Variants in CCDC88A observed in about 807,000 individuals in gnomAD.
CCDC88A encodes coiled-coil and HOOK domain protein 88A.
CCDC88A carries 54 observed loss-of-function variants against 234.3 expected under a neutral mutation model. The observed-to-expected ratio is 0.23, with a 90% CI of 0.19 to 0.29. The LOEUF is 0.29. Among genes scored for constraint, CCDC88A ranks in the 10% least tolerant of loss-of-function variants. The probability of loss-of-function intolerance (pLI) is 1.00; values close to 1 mark genes in which losing one functional copy is unlikely to be tolerated. For missense variants in CCDC88A, 1,832 were observed against 2,123.4 expected, an observed-to-expected ratio of 0.86 and a Z score of 2.70; for synonymous variants, 753 against 737.8, an observed-to-expected ratio of 1.02 and a Z score of -0.33.
At position 55,376,229 on chromosome 2, in the gene CCDC88A, T is replaced by C. The variant is rs1195480510; in HGVS notation, c.274-1346A>G. ...TGAATTAGACTACAGGATGGATGGG[T>C]GCCATGTGATAATTACTGAATCTTT... On this transcript the variant is annotated intron_variant, in intron 3 of 32. Transcript: ENST00000436346. Among the ~76,000 whole-genome samples the C allele has an allele frequency of 5.3e-5, 8 of 152,314 alleles. No individual in the cohort carries two copies. In the South Asian group the frequency reaches 1.2e-3, roughly 24 times the overall value.
intron 13 of CCDC88A, among the ~76,000 whole-genome samples, chr2:55,338,690 G>A (rs1668092169): frequency 6.6e-6 from 1 of 152,182 alleles, no homozygotes; most frequent in South Asian, 2.1e-4. Flanking sequence ...ATTTTGTCAT[G>A]GCAGAAAGCA....
At chr2:55,300,039 G>A in intron 28 of CCDC88A, 120 bp from the exon 29 acceptor site, 1 of 702,022 alleles carries the variant, frequency 1.4e-6, no homozygotes, top group Admixed American at 2.3e-5. Flanking sequence ...CACAAGATGA[G>A]CATGCCCAGA....
chr2:55,385,852 CAAAAAAAAAAAAA>C (rs56233901), intron 3 of CCDC88A, among the ~76,000 whole-genome samples: 8 of 62,462 alleles, frequency 1.3e-4, no homozygotes, highest in Non-Finnish European at 2.1e-4. Context: ...AACTCCATGT[CAAAAAAAAAAAAA>C]AAAAAAAAAA....
At chr2:55,355,267 T>C in intron 8 of CCDC88A, 1 of 275,298 alleles carries the variant, frequency 3.6e-6, no homozygotes, top group Non-Finnish European at 6.9e-6. Context: ...CCATCAGTAG[T>C]TCCTAGTAAT....
At chr2:55,377,057 GTCCTGACCTCATGA>G (rs1442586011) in intron 3 of CCDC88A, among the ~76,000 whole-genome samples, 1 of 151,934 alleles carries the variant, frequency 6.6e-6, no homozygotes, top group African/African-American at 2.4e-5. Context: ...TGGTCTTGAA[GTCCTGACCTCATGA>G]TCCACCTGCC....
At chr2:55,390,449 G>A (rs1298161501) in intron 2 of CCDC88A, among the ~76,000 whole-genome samples, 1 of 152,078 alleles carries the variant, frequency 6.6e-6, no homozygotes, top group Non-Finnish European at 1.5e-5. Context: ...CCCAACCTTG[G>A]ATCAATTCAA....
chr2:55,380,638 C>T (rs1415315497), intron 3 of CCDC88A, among the ~76,000 whole-genome samples: 2 of 151,964 alleles, frequency 1.3e-5, no homozygotes, highest in Non-Finnish European at 2.9e-5. Flanking sequence ...TTTTTTGAGA[C>T]AGAGTCTTGC....
chr2:55,336,651 C>T, intron 14 of CCDC88A, 30 bp downstream of exon 14: 1 of 1,397,356 alleles, frequency 7.2e-7, no homozygotes, highest in East Asian at 2.5e-5. Flanking sequence ...TTTTAAAATA[C>T]ATTGTTTACT....
Position 55,322,651 on chromosome 2 carries a change from C to T in CCDC88A, c.3039G>A (p.Glu1013=). The part of the protein sequence containing the change: ...NYEALKQRQD[E]ERMVQSSPPI... ...GAGGAGAGCTCTGTACCATCCTTTC[C>T]TCATCTTGTCTCTGTTTGAGAGCTT... Residue 1013 remains glutamate (E), a synonymous_variant, in exon 18 of 33, where the codon GAG becomes GAA. Coordinates refer to ENST00000436346, the MANE Select transcript of CCDC88A (RefSeq NM_001365480.1). 1 of 1,574,162 alleles carries T rather than the reference C, an allele frequency of 6.4e-7. No individual in the cohort carries two copies. The highest frequency in any genetic ancestry group is 1.2e-5 in the South Asian group (1 of 80,930).
chr2:55,296,215 TGTG>T, intron 30 of CCDC88A, 40 bp downstream of exon 30: 3 of 1,549,970 alleles, frequency 1.9e-6, no homozygotes, highest in South Asian at 1.2e-5. Context: ...AAATTTAACT[TGTG>T]GTGTTCATCT....
intron 9 of CCDC88A, chr2:55,348,926 C>T (rs1669527987): frequency 6.6e-6 from 1 of 152,136 alleles, no homozygotes; most frequent in African/African-American, 2.4e-5. Flanking sequence ...AAACAACTAT[C>T]CAGCCTTATC....
At chr2:55,333,132 T>C (rs1372574291) in intron 15 of CCDC88A, among the ~76,000 whole-genome samples, 1 of 152,182 alleles carries the variant, frequency 6.6e-6, no homozygotes, top group Admixed American at 6.5e-5. Flanking sequence ...CTTAGAAGTT[T>C]AGGCACAAGG....
Position 55,341,679 on chromosome 2 carries a change from G to A in CCDC88A, c.1333+1969C>T, listed in dbSNP as rs534173629. ...AGGCTGGTCTTGAACTCTTGACCTCGTGATCCACCCGCCTCGGCCTCCCAA... is the reference window on the plus strand; with the variant it reads ...AGGCTGGTCTTGAACTCTTGACCTCATGATCCACCCGCCTCGGCCTCCCAA... On this transcript the variant is annotated intron_variant, in intron 12 of 32. Coordinates refer to ENST00000436346, the MANE Select transcript of CCDC88A (RefSeq NM_001365480.1). Among the ~76,000 whole-genome samples the A allele has an allele frequency of 3.3e-3, 505 of 151,962 alleles. 1 individual carries two copies. Among genetic ancestry groups the A allele is most frequent in the Non-Finnish European group, 5.4e-3 (364 of 67,950 alleles).
At chr2:55,351,634 C>A (rs1421223464) in intron 8 of CCDC88A, among the ~76,000 whole-genome samples, 2 of 152,256 alleles carry the variant, frequency 1.3e-5, no homozygotes, top group Non-Finnish European at 2.9e-5. Flanking sequence ...GCGTAAGCCA[C>A]CATGCCCTGC....
chr2:55,376,956 G>A (rs745405262), intron 3 of CCDC88A, among the ~76,000 whole-genome samples: 17 of 151,938 alleles, frequency 1.1e-4, no homozygotes, highest in Non-Finnish European at 2.1e-4. Flanking sequence ...TCAGCGTCCC[G>A]AGTAGCTGGG....
At chr2:55,412,684 T>G (rs1574525553) in intron 2 of CCDC88A, among the ~76,000 whole-genome samples, 2 of 152,164 alleles carry the variant, frequency 1.3e-5, no homozygotes, top group South Asian at 4.1e-4. Flanking sequence ...GCCAAAAAGG[T>G]TGGGGACCGC....
chr2:55,325,441 G>C (rs188797940), intron 17 of CCDC88A, among the ~76,000 whole-genome samples: 9 of 152,228 alleles, frequency 5.9e-5, no homozygotes, highest in African/African-American at 9.6e-5. Context: ...GAATTCCTCA[G>C]GGTTTTCTGT....
intron 6 of CCDC88A, 101 bp downstream of exon 6, chr2:55,363,849 G>T: frequency 1.7e-6 from 1 of 590,474 alleles, no homozygotes; most frequent in Non-Finnish European, 2.9e-6. Context: ...TTGTTGATTT[G>T]TTCTTGCTTA....
At chr2:55,362,164 C>A (rs1052921265) in intron 7 of CCDC88A, 144 bp downstream of exon 7, 2 of 563,678 alleles carry the variant, frequency 3.5e-6, no homozygotes, top group Non-Finnish European at 5.9e-6. Context: ...TACATCCTTT[C>A]AGGTTCCTGT....
Sources: gnomAD v4.1 joint callset for allele counts (sites outside exome capture counted in the v4.1 genomes callset) on GRCh38, gnomAD v4.1.1 for gene constraint, MANE v1.5 for transcripts, NCBI Gene and HGNC (gene_info 2026-07-23, HGNC 2026-07-21) for gene names.